Variants in KYAT3 observed in about 807,000 individuals in gnomAD.
KYAT3 encodes the protein kynurenine aminotransferase 3, also known as kynurenine--oxoglutarate transaminase 3.
In KYAT3, 50 loss-of-function variants were observed where a neutral mutation model predicts 59.0. The observed-to-expected ratio is 0.85, with a 90% CI of 0.68 to 1.07. The LOEUF (loss-of-function observed/expected upper bound fraction) is 1.07, where lower values mean the gene tolerates loss of function less well. KYAT3 is among the 50% of genes least tolerant of loss of function. KYAT3 has a pLI of 0.00. For missense variants in KYAT3, 497 were observed against 533.3 expected (o/e 0.93, Z 0.67); for synonymous variants, 148 against 177.0 (o/e 0.84, Z 1.30).
downstream of KYAT3, among the ~76,000 whole-genome samples, chr1:88,931,564 AG>A (rs1361778613): frequency 2.0e-5 from 3 of 152,004 alleles, no homozygotes; most frequent in Non-Finnish European, 4.4e-5. Context: ...TCCTGTTGAG[AG>A]GGGGGACTGA....
chr1:88,933,043 G>T (rs1445778866), downstream of KYAT3, among the ~76,000 whole-genome samples: 1 of 151,368 alleles, frequency 6.6e-6, no homozygotes, highest in Non-Finnish European at 1.5e-5. Flanking sequence ...CCCAAGATCT[G>T]CACAAGGCTG....
At chr1:88,951,909 C>A (rs1043618242) in intron 10 of KYAT3, among the ~76,000 whole-genome samples, 1 of 151,938 alleles carries the variant, frequency 6.6e-6, no homozygotes, top group Non-Finnish European at 1.5e-5. Flanking sequence ...ATTAATTGGA[C>A]AGATTATCCA....
intron 13 of KYAT3, among the ~76,000 whole-genome samples, chr1:88,939,935 C>G (rs1002895060): frequency 2.0e-5 from 3 of 152,124 alleles, no homozygotes; most frequent in African/African-American, 7.2e-5. Flanking sequence ...TGAAATAGCA[C>G]TAATTTTATT....
chr1:88,933,213 T>G (rs1674946127), downstream of KYAT3, among the ~76,000 whole-genome samples: 1 of 152,172 alleles, frequency 6.6e-6, no homozygotes, highest in Admixed American at 6.6e-5. Flanking sequence ...ATACAATATA[T>G]TTTATTATGT....
At chr1:88,976,281 C>T (rs927651444) in intron 2 of KYAT3, among the ~76,000 whole-genome samples, 8 of 151,502 alleles carry the variant, frequency 5.3e-5, no homozygotes, top group South Asian at 2.1e-4. Flanking sequence ...TGCTTGCACC[C>T]GGGAGGCAGA....
At chr1:88,926,208 A>G in the KYAT3 span, among the ~76,000 whole-genome samples, 2 of 152,262 alleles carry the variant, frequency 1.3e-5, no homozygotes, top group Non-Finnish European at 2.9e-5. Flanking sequence ...TGTTAGAAAA[A>G]GGTAATTTAA....
intron 8 of KYAT3, among the ~76,000 whole-genome samples, chr1:88,956,837 A>C (rs1043914453): frequency 6.6e-5 from 10 of 152,228 alleles, no homozygotes; most frequent in Admixed American, 2.0e-4. Flanking sequence ...CTCTTCTGAC[A>C]ATGCCACCCA....
chr1:88,942,886 T>A, intron 13 of KYAT3, 119 bp downstream of exon 13: 2 of 789,692 alleles, frequency 2.5e-6, no homozygotes, highest in South Asian at 3.6e-5. Context: ...TTTAAAGCCG[T>A]AAGCCAAAAT....
At chr1:88,978,214 T>C (rs1449963471) in intron 2 of KYAT3, among the ~76,000 whole-genome samples, 1 of 152,222 alleles carries the variant, frequency 6.6e-6, no homozygotes, top group East Asian at 1.9e-4. Context: ...GTGTCTTTGT[T>C]TAAACACAGA....
intron 2 of KYAT3, among the ~76,000 whole-genome samples, chr1:88,985,503 C>G (rs1677401867): frequency 6.6e-6 from 1 of 152,348 alleles, no homozygotes; most frequent in African/African-American, 2.4e-5. Context: ...AAAAACACAC[C>G]TACGTTCCAA....
chr1:88,987,124 A>C (rs1677505577), intron 2 of KYAT3, among the ~76,000 whole-genome samples: 2 of 152,244 alleles, frequency 1.3e-5, no homozygotes, highest in South Asian at 4.1e-4. Flanking sequence ...ATCAGCTGGA[A>C]AGATTTTTCA....
At chr1:88,944,207 C>A (rs1483321296) in intron 11 of KYAT3, among the ~76,000 whole-genome samples, 1 of 152,164 alleles carries the variant, frequency 6.6e-6, no homozygotes, top group African/African-American at 2.4e-5. Context: ...TGCCCTAAAG[C>A]AACTAATATT....
In KYAT3 at chr1:88,982,560, C is replaced by A. The variant is rs1183584999; in HGVS notation, c.99+5692G>T. 3 of 1,473,620 alleles carry A rather than the reference C, an allele frequency of 2.0e-6. No individual in the cohort carries two copies. The African/African-American group carries it at 4.2e-5, about 21-fold the overall frequency. The allele number at this position is 1,473,620 out of a possible 1,614,324, so 91.3% of individuals were successfully genotyped here. Reference sequence around the variant, plus strand: ...TTTAAAAAAGGTAACACAATTTTTCCTTTTAGTAGTCCTTGGGTAGTTATG... The same window carrying A: ...TTTAAAAAAGGTAACACAATTTTTCATTTTAGTAGTCCTTGGGTAGTTATG... On this transcript the variant is annotated intron_variant, in intron 2 of 13. Transcript: ENST00000260508.
chr1:88,923,652 T>C, the KYAT3 span: 1 of 187,442 alleles, frequency 5.3e-6, no homozygotes, highest in African/African-American at 2.4e-5. Context: ...TCAGAGACCG[T>C]AGAAGAGGAT....
In KYAT3 at chr1:88,953,049, A is replaced by T; in HGVS notation, c.954+14T>A. 2.0e-6 allele frequency: 3 copies of T among 1,498,180 alleles called. No homozygotes were observed. In the Middle Eastern group the frequency reaches 5.1e-4, roughly 256 times the overall value. The allele number at this position is 1,498,180 out of a possible 1,614,324, so 92.8% of individuals were successfully genotyped here. On this transcript the variant is annotated intron_variant, in intron 10 of 13. Coordinates refer to ENST00000260508, the MANE Select transcript of KYAT3 (RefSeq NM_001008661.3). ...AAAGACAATGCTTCTACCCTGAGTT[A>T]CTATAACACTTACCTGTAAAGGAGT...
rs142634859 is a variant in KYAT3, at chr1:88,963,443, A to T, written c.454-1298T>A. ...TGAAGGGAATCAAAGTTGTAAAAGA[A>T]TAACATAACACAAAGCAGATAGTGG... On this transcript the variant is annotated intron_variant, in intron 5 of 13. Coordinates refer to ENST00000260508, the MANE Select transcript of KYAT3 (RefSeq NM_001008661.3). Among the ~76,000 whole-genome samples the T allele has an allele frequency of 4.2e-3, 645 of 152,334 alleles. 2 individuals are homozygous for T. Among genetic ancestry groups the T allele is most frequent in the Admixed American group, 0.011 (166 of 15,302 alleles).
At chr1:88,943,809 C>G (rs1323588342) in intron 11 of KYAT3, among the ~76,000 whole-genome samples, 1 of 152,190 alleles carries the variant, frequency 6.6e-6, no homozygotes, top group Admixed American at 6.5e-5. Flanking sequence ...AAGATTATAT[C>G]TCCACATAGC....
intron 6 of KYAT3, 120 bp from the exon 7 acceptor site, chr1:88,961,626 A>T: frequency 1.2e-6 from 1 of 827,790 alleles, no homozygotes; most frequent in Non-Finnish European, 1.8e-6. Context: ...AAACTGAATA[A>T]ATTACCAACA....
Position 88,961,246 on chromosome 1 carries a change from G to T in KYAT3, c.708C>A (p.Cys236Ter). ...TGATGCAGAGTGTGTCATATTTGAT[G>T]CAAAGGTCAGCAATTACTTGCAGTT... The part of the protein sequence containing the change: ...REELQVIADL[C>*]IKYDTLCISD... The change falls in exon 8 of 14, where the codon TGC (cysteine) becomes TGA (stop). Residue 236 changes from cysteine to a stop codon, truncating the protein, a stop_gained. Coordinates refer to ENST00000260508, the MANE Select transcript of KYAT3 (RefSeq NM_001008661.3). LOFTEE classifies it high-confidence loss of function. 1 of 1,613,490 alleles carries T rather than the reference G, an allele frequency of 6.2e-7. No individual in the cohort carries two copies. Among genetic ancestry groups the T allele is most frequent in the African/African-American group, 1.3e-5 (1 of 75,022 alleles).
Sources: gnomAD v4.1 joint callset for allele counts (sites outside exome capture counted in the v4.1 genomes callset) on GRCh38, gnomAD v4.1.1 for gene constraint, MANE v1.5 for transcripts, NCBI Gene and HGNC (gene_info 2026-07-23, HGNC 2026-07-21) for gene names.